Variants in WDTC1 observed in about 807,000 individuals in gnomAD.
WDTC1 encodes the protein WD and tetratricopeptide repeats 1.
In WDTC1, 12 loss-of-function variants were observed where a neutral mutation model predicts 76.0. The observed-to-expected ratio is 0.16, with a 90% CI of 0.10 to 0.26. The LOEUF is 0.26. Among genes scored for constraint, WDTC1 ranks in the 10% least tolerant of loss-of-function variants. The probability of loss-of-function intolerance (pLI) is 1.00; values close to 1 mark genes in which losing one functional copy is unlikely to be tolerated. For missense variants in WDTC1, 511 were observed against 908.8 expected (o/e 0.56, Z 5.63); for synonymous variants, 326 against 350.8 (o/e 0.93, Z 0.79).
At position 27,305,238 on chromosome 1, in the gene WDTC1, G is replaced by A. The variant is rs746968323; in HGVS notation, c.1836+45G>A. ...CAGAGAGGAGGGCAGGGACTCTGTG[G>A]AAGGCTCCAGTGGAGCCTGCTAGCG... On this transcript the variant is annotated intron_variant, in intron 15 of 15. Transcript: ENST00000319394. The surrounding 1 kb of genome is among the most constrained non-coding windows in gnomAD (Gnocchi z 4.6). 13 of 1,590,524 alleles carry A rather than the reference G, an allele frequency of 8.2e-6. No homozygotes were observed. The East Asian group carries it at 2.7e-4, about 33-fold the overall frequency.
In WDTC1 at chr1:27,297,468, G is replaced by A. The variant is rs543973899; in HGVS notation, c.1058+312G>A. On this transcript the variant is annotated intron_variant, in intron 11 of 15. Transcript: ENST00000319394. The stretch of plus-strand genomic sequence containing the variant: ...AGGGGCTGCATACAAATGGGCCTCC[G>A]CATTATATTATTCCCCATCCTATAG... Among the ~76,000 whole-genome samples, 7 of 152,286 alleles carry A rather than the reference G, an allele frequency of 4.6e-5. No homozygotes were observed. In the South Asian group the frequency reaches 1.2e-3, roughly 27 times the overall value.
Position 27,287,740 on chromosome 1 carries a change from G to A in WDTC1, c.358G>A (p.Asp120Asn), listed in dbSNP as rs1376174503. Residue 120 changes from aspartate to asparagine, a missense_variant, in exon 6 of 16, where the codon GAC (aspartate) becomes AAC (asparagine). Transcript: ENST00000319394. Reference protein sequence around the residue: ...GAADSKVHVHDLTVKETIHMF... With the variant: ...GAADSKVHVHNLTVKETIHMF... ...AGCCGACTCTAAGGTGCATGTGCAC[G>A]ACCTGACAGTAAAGGAGACCATCCA... The A allele has an allele frequency of 6.2e-7, 1 of 1,614,062 alleles. No homozygotes were observed.
At chr1:27,283,209 C>T (rs1033097591) in intron 4 of WDTC1, 129 bp from the exon 5 acceptor site, 1 of 731,468 alleles carries the variant, frequency 1.4e-6, no homozygotes, top group South Asian at 1.8e-5. Flanking sequence ...TACAAGGCAA[C>T]CTTAAATTCT....
intron 1 of WDTC1, among the ~76,000 whole-genome samples, chr1:27,252,064 T>C (rs1213723164): frequency 1.3e-5 from 2 of 151,140 alleles, no homozygotes; most frequent in African/African-American, 2.4e-5. Context: ...AAAAAAAACC[T>C]ACCAGGTGTG....
intron 4 of WDTC1, among the ~76,000 whole-genome samples, chr1:27,282,924 G>C (rs1201406739): frequency 1.3e-5 from 2 of 151,840 alleles, no homozygotes; most frequent in Non-Finnish European, 2.9e-5. Context: ...TGGATCACGA[G>C]GTCAGGAGAT....
chr1:27,288,929 G>A (rs1285036010), intron 6 of WDTC1, among the ~76,000 whole-genome samples: 17 of 151,912 alleles, frequency 1.1e-4, no homozygotes, highest in Admixed American at 6.5e-4. Flanking sequence ...AGGGGTGGCC[G>A]GGCAGAGGCA....
intron 11 of WDTC1, among the ~76,000 whole-genome samples, chr1:27,297,563 A>G (rs1042008790): frequency 1.3e-5 from 2 of 152,092 alleles, no homozygotes; most frequent in African/African-American, 4.8e-5. Context: ...CAAATTCCCT[A>G]GCCTTGAGAG....
chr1:27,306,364 T>A lies in WDTC1; in HGVS notation c.2015T>A (p.Val672Glu). The A allele has an allele frequency of 6.2e-7, 1 of 1,612,872 alleles. No individual in the cohort carries two copies. Among genetic ancestry groups the A allele is most frequent in the Non-Finnish European group, 8.5e-7 (1 of 1,179,956 alleles). The stretch of plus-strand genomic sequence containing the variant: ...GATGAGGACAGCTCTGAGGGCCAGG[T>A]GCAGTGCCGGCCCAGCTAGACCCTC... ...SDDEDSSEGQ[V>E]QCRPS Residue 672 changes from valine (V) to glutamate (E), a missense_variant, in exon 16 of 16, where the codon GTG becomes GAG. Physicochemically the swap from Val to Glu is moderately radical, Grantham distance 121 (BLOSUM62 -2). Transcript: ENST00000319394. The surrounding 1 kb of genome is among the most constrained non-coding windows in gnomAD (Gnocchi z 5.0).
intron 7 of WDTC1, 70 bp from the exon 8 acceptor site, chr1:27,293,952 A>G (rs1570981797): frequency 8.3e-6 from 12 of 1,445,456 alleles, no homozygotes; most frequent in Non-Finnish European, 1.2e-5. Context: ...GTTTTCGTCT[A>G]GTGAGTGTGG....
intron 4 of WDTC1, 58 bp downstream of exon 4, chr1:27,282,343 C>A (rs2013212338): frequency 1.9e-6 from 3 of 1,544,542 alleles, no homozygotes; most frequent in African/African-American, 1.4e-5. Flanking sequence ...GAGGGTGGAA[C>A]AGCAAGGCTC....
At chr1:27,288,869 ACCTCC>A (rs2013425359) in intron 6 of WDTC1, among the ~76,000 whole-genome samples, 1 of 151,350 alleles carries the variant, frequency 6.6e-6, no homozygotes, top group Non-Finnish European at 1.5e-5. Flanking sequence ...TGTTGGGTAC[ACCTCC>A]CAGACGGGGT....
chr1:27,291,494 G>A lies in WDTC1; in HGVS notation c.480-721G>A, dbSNP rs1487754947. Among the ~76,000 whole-genome samples the A allele has an allele frequency of 3.3e-5, 5 of 152,176 alleles. No individual in the cohort carries two copies. In the East Asian group the frequency reaches 9.6e-4, roughly 29 times the overall value. ...ACAGATGTCTAGGCAAGAGGGGAGA[G>A]CATATAGGTGATGTCCCCCCTACCC... On this transcript the variant is annotated intron_variant, in intron 6 of 15. Coordinates refer to ENST00000319394, the MANE Select transcript of WDTC1 (RefSeq NM_001276252.2).
At chr1:27,288,814 A>AT (rs2013422623) in intron 6 of WDTC1, among the ~76,000 whole-genome samples, 1 of 151,890 alleles carries the variant, frequency 6.6e-6, no homozygotes, top group African/African-American at 2.4e-5. Flanking sequence ...CCCCCTTTCT[A>AT]TTCCACAAAA....
intron 1 of WDTC1, among the ~76,000 whole-genome samples, chr1:27,259,054 C>T (rs929703577): frequency 1.3e-5 from 2 of 152,168 alleles, no homozygotes; most frequent in Non-Finnish European, 1.5e-5. Context: ...AATCTGATTA[C>T]AAATTAGTGT....
At position 27,287,808 on chromosome 1, in the gene WDTC1, AG is replaced by A; in HGVS notation, c.427del (p.Ala143ArgfsTer32). Reference protein sequence around the residue: ...HTNRVKRIATAPMWPNTFWSA... With the variant: ...HTNRVKRIATXPMWPNTFWSA... ...CAAACCGGGTGAAGCGCATCGCCAC[AG>A]CGCCCATGTGGCCCAACACATTCTG... On this transcript the variant is annotated frameshift_variant, in exon 6 of 16. Coordinates refer to ENST00000319394, the MANE Select transcript of WDTC1 (RefSeq NM_001276252.2). LOFTEE classifies it high-confidence loss of function. The A allele has an allele frequency of 6.2e-7, 1 of 1,613,988 alleles. No homozygotes were observed. Among genetic ancestry groups the A allele is most frequent in the Non-Finnish European group, 8.5e-7 (1 of 1,179,926 alleles).
chr1:27,246,654 C>G (rs1416732603), intron 1 of WDTC1, among the ~76,000 whole-genome samples: 2 of 151,882 alleles, frequency 1.3e-5, no homozygotes, highest in Non-Finnish European at 2.9e-5. Context: ...CTCCGCCTTC[C>G]AGGTTTAAGC....
chr1:27,260,099 TG>T (rs1444984911), intron 1 of WDTC1, among the ~76,000 whole-genome samples: 1 of 152,026 alleles, frequency 6.6e-6, no homozygotes. Flanking sequence ...TTTTTGTTTT[TG>T]TTTTTTTGTT....
intron 11 of WDTC1, 113 bp from the exon 12 acceptor site, chr1:27,297,825 C>G: frequency 8.6e-7 from 1 of 1,165,846 alleles, no homozygotes; most frequent in African/African-American, 1.6e-5. Context: ...AGATAGCAGT[C>G]AGATCCCAGG....
At chr1:27,297,253 C>T in intron 11 of WDTC1, 97 bp downstream of exon 11, 4 of 1,094,896 alleles carry the variant, frequency 3.7e-6, no homozygotes, top group Non-Finnish European at 3.9e-6. Context: ...CTGACCCACA[C>T]CCACTCATGC....
Sources: allele counts gnomAD v4.1 joint callset (sites outside exome capture counted in the v4.1 genomes callset), GRCh38; gene constraint gnomAD v4.1.1; non-coding constraint Gnocchi (gnomAD v3.1); transcripts MANE v1.5; gene names NCBI Gene and HGNC (gene_info 2026-07-23, HGNC 2026-07-21).